Variants in CA10 observed in about 807,000 individuals in gnomAD.
CA10 encodes carbonic anhydrase-related protein 10.
CA10 carries 14 observed loss-of-function variants against 44.2 expected under a neutral mutation model. The observed-to-expected ratio is 0.32, with a 90% CI of 0.21 to 0.50. The LOEUF (loss-of-function observed/expected upper bound fraction) is 0.50, where lower values mean the gene tolerates loss of function less well. CA10 is among the 20% of genes least tolerant of loss of function. CA10 has a pLI of 0.99. For missense variants in CA10, 350 were observed against 409.7 expected (o/e 0.85, Z 1.26); for synonymous variants, 159 against 141.6 (o/e 1.12, Z -0.87).
chr17:51,867,314 T>G (rs1044567464), intron 3 of CA10, among the ~76,000 whole-genome samples: 1 of 152,182 alleles, frequency 6.6e-6, no homozygotes, highest in African/African-American at 2.4e-5. Context: ...AATATTAAGA[T>G]GGGGTCTAAA....
chr17:51,903,807 A>G (rs1235708328), intron 3 of CA10, among the ~76,000 whole-genome samples: 1 of 152,172 alleles, frequency 6.6e-6, no homozygotes, highest in Non-Finnish European at 1.5e-5. Context: ...CAGGCAGAGA[A>G]TTCTTAGAAC....
At position 51,930,856 on chromosome 17, in the gene CA10, G is replaced by A. The variant is rs150854874; in HGVS notation, c.279+134C>T. 4.4e-4 allele frequency: 429 copies of A among 979,348 alleles called. 1 individual carries two copies. The highest frequency in any genetic ancestry group is 1.1e-3 in the African/African-American group (69 of 61,126). 60.7% of individuals were successfully genotyped at this position (979,348 alleles called of 1,614,324 possible). On this transcript the variant is annotated intron_variant, in intron 3 of 8. Transcript: ENST00000451037. ...TTTAGACATATTTCTATCTAATGGC[G>A]GCAGGTCTGAAGTCTGTGGTATTCC...
intron 4 of CA10, among the ~76,000 whole-genome samples, chr17:51,728,178 C>T (rs1320901750): frequency 6.6e-6 from 1 of 152,208 alleles, no homozygotes; most frequent in Non-Finnish European, 1.5e-5. Context: ...GTGTAAGCCA[C>T]TGTGCCAGAC....
At chr17:51,862,709 T>C (rs1979366228) in intron 3 of CA10, among the ~76,000 whole-genome samples, 1 of 152,112 alleles carries the variant, frequency 6.6e-6, no homozygotes, top group Admixed American at 6.6e-5. Flanking sequence ...GGTGCCATTG[T>C]GGTTGAGTTC....
At chr17:51,681,407 T>C (rs990990571) in intron 4 of CA10, among the ~76,000 whole-genome samples, 1 of 152,180 alleles carries the variant, frequency 6.6e-6, no homozygotes, top group African/African-American at 2.4e-5. Flanking sequence ...GGAACCAATT[T>C]TAGCCATGCA....
chr17:51,996,764 A>G (rs143758395), intron 2 of CA10, among the ~76,000 whole-genome samples: 2 of 152,118 alleles, frequency 1.3e-5, no homozygotes, highest in East Asian at 3.9e-4. Flanking sequence ...CCCACCTTGT[A>G]AAGGGCTAAC....
At chr17:51,821,124 T>TACCTCCCTC (rs1211873110) in intron 3 of CA10, among the ~76,000 whole-genome samples, 71 of 123,586 alleles carry the variant, frequency 5.7e-4, no homozygotes, top group Non-Finnish European at 1.0e-3. Context: ...CTTCCTCCCT[T>TACCTCCCTC]CCCTCCCTCC....
intron 4 of CA10, among the ~76,000 whole-genome samples, chr17:51,706,796 C>A (rs1015851128): frequency 6.6e-6 from 1 of 152,226 alleles, no homozygotes; most frequent in East Asian, 1.9e-4. Flanking sequence ...TGCCACACAC[C>A]AGGCACACTC....
intron 3 of CA10, among the ~76,000 whole-genome samples, chr17:51,927,005 T>G (rs1982458823): frequency 6.6e-6 from 1 of 152,182 alleles, no homozygotes; most frequent in African/African-American, 2.4e-5. Context: ...TTAGCAAATC[T>G]AGAAACTTTA....
intron 4 of CA10, among the ~76,000 whole-genome samples, chr17:51,734,812 G>A (rs913783869): frequency 5.3e-5 from 8 of 152,136 alleles, no homozygotes; most frequent in African/African-American, 9.7e-5. Context: ...CTGAGATGGG[G>A]TAATTTATAA....
chr17:51,733,709 G>A (rs1481787399), intron 4 of CA10, among the ~76,000 whole-genome samples: 1 of 152,246 alleles, frequency 6.6e-6, no homozygotes, highest in East Asian at 1.9e-4. Context: ...GCTAAATGCC[G>A]ACACCAATAG....
rs1466998452 is a variant in CA10 at position 52,066,432 on chromosome 17, C to T, written c.136+5887G>A. Among the ~76,000 whole-genome samples the T allele has an allele frequency of 2.6e-5, 4 of 152,298 alleles. No individual in the cohort carries two copies. In the East Asian group the frequency reaches 5.8e-4, roughly 22 times the overall value. On this transcript the variant is annotated intron_variant, in intron 2 of 8. Transcript: ENST00000451037. ...TTGAATTGTAATAATCTCCACATGT[C>T]AACGGCAGGGCCAGGTGGAGATAAT...
Position 51,731,219 on chromosome 17 carries a change from A to C in CA10, c.465+16414T>G, listed in dbSNP as rs866135875. 7.1e-4 allele frequency among the ~76,000 whole-genome samples: 108 copies of C among 152,314 alleles called. 1 individual carries two copies. Among genetic ancestry groups the C allele is most frequent in the African/African-American group, 2.3e-3 (97 of 41,574 alleles). On this transcript the variant is annotated intron_variant, in intron 4 of 8. Transcript: ENST00000451037. ...TGGTGAAACCCCATCTCTACTAAAA[A>C]TACAAAAATTAGCTGGGCATGGTGG...
intron 4 of CA10, among the ~76,000 whole-genome samples, chr17:51,710,943 T>TTTTTTTTTA (rs1915924856): frequency 9.1e-6 from 1 of 110,014 alleles, no homozygotes; most frequent in African/African-American, 3.4e-5. Context: ...TTTTTTTTTT[T>TTTTTTTTTA]TGCTTCACTG....
chr17:51,808,978 A>AT (rs1907248809), intron 3 of CA10, among the ~76,000 whole-genome samples: 1 of 152,162 alleles, frequency 6.6e-6, no homozygotes, highest in South Asian at 2.1e-4. Flanking sequence ...CTGTTTTTCA[A>AT]AGCTATTGAG....
intron 4 of CA10, among the ~76,000 whole-genome samples, chr17:51,738,279 G>A (rs1479194149): frequency 6.6e-6 from 1 of 152,086 alleles, no homozygotes. Flanking sequence ...GTTTTAAATG[G>A]CCTTATTTTG....
intron 1 of CA10, among the ~76,000 whole-genome samples, chr17:52,110,041 C>A (rs933649428): frequency 2.0e-5 from 3 of 152,160 alleles, no homozygotes; most frequent in Admixed American, 2.0e-4. Flanking sequence ...CATGACTATT[C>A]TGCAAACACA....
chr17:52,117,025 G>A (rs563550715), intron 1 of CA10, among the ~76,000 whole-genome samples: 2 of 152,154 alleles, frequency 1.3e-5, no homozygotes, highest in South Asian at 2.1e-4. Flanking sequence ...AACTAATAAG[G>A]GATTTAAAAG....
At chr17:52,070,346 ATAC>A (rs1441424381) in intron 2 of CA10, 1 of 5,314 alleles carries the variant, frequency 1.9e-4, no homozygotes, top group Admixed American at 3.9e-3. Context: ...CCTCAAGCAG[ATAC>A]CAACAACAAT....
Sources: gnomAD v4.1 joint callset for allele counts (sites outside exome capture counted in the v4.1 genomes callset) on GRCh38, gnomAD v4.1.1 for gene constraint, MANE v1.5 for transcripts, NCBI Gene and HGNC (gene_info 2026-07-23, HGNC 2026-07-21) for gene names.